Variants in LMBR1 observed in about 807,000 individuals in gnomAD.
LMBR1 encodes limb region 1 protein homolog.
In LMBR1, 52 loss-of-function variants were observed where a neutral mutation model predicts 73.9. The observed-to-expected ratio is 0.70, with a 90% CI of 0.56 to 0.89. The LOEUF is 0.89. Among genes scored for constraint, LMBR1 ranks in the 40% least tolerant of loss-of-function variants. The probability of loss-of-function intolerance (pLI) is 0.00; values close to 1 mark genes in which losing one functional copy is unlikely to be tolerated. For missense variants in LMBR1, 539 were observed against 579.8 expected (o/e 0.93, Z 0.72); for synonymous variants, 215 against 209.4 (o/e 1.03, Z -0.23).
At chr7:156,841,448 A>G (rs909270451) in intron 1 of LMBR1, among the ~76,000 whole-genome samples, 2 of 152,142 alleles carry the variant, frequency 1.3e-5, no homozygotes, top group Non-Finnish European at 2.9e-5. Flanking sequence ...AAGTATAGCC[A>G]GAGAAGAGAA....
At chr7:156,881,945 A>C (rs1209237442) in intron 1 of LMBR1, among the ~76,000 whole-genome samples, 1 of 152,112 alleles carries the variant, frequency 6.6e-6, no homozygotes, top group Non-Finnish European at 1.5e-5. Context: ...AAACAAAACT[A>C]CCGTATGATT....
chr7:156,833,911 T>C (rs1330014829), intron 2 of LMBR1, 119 bp from the exon 3 acceptor site: 4 of 647,602 alleles, frequency 6.2e-6, no homozygotes, highest in African/African-American at 3.7e-5. Context: ...GAAACAATTT[T>C]CAAAAAGCAC....
Position 156,767,379 on chromosome 7 carries a change from G to A in LMBR1, c.424-3584C>T, listed in dbSNP as rs138132905. 2.0e-5 allele frequency among the ~76,000 whole-genome samples: 3 copies of A among 151,916 alleles called. No individual in the cohort carries two copies. In the East Asian group the frequency reaches 5.8e-4, roughly 29 times the overall value. On this transcript the variant is annotated intron_variant, in intron 5 of 16. Coordinates refer to ENST00000353442, the MANE Select transcript of LMBR1 (RefSeq NM_022458.4). ...GATATATATAGTTATAAACTAAAAT[G>A]CAATGCCAAAAAATATTTTTGAAAG... is the stretch of plus-strand genomic sequence containing the variant.
intron 4 of LMBR1, among the ~76,000 whole-genome samples, chr7:156,803,981 C>A (rs1429196559): frequency 9.8e-6 from 1 of 102,192 alleles, no homozygotes; most frequent in East Asian, 2.8e-4. Context: ...TATCACACAC[C>A]GGGGACTGTT....
At chr7:156,797,758 T>G (rs1215747843) in intron 4 of LMBR1, among the ~76,000 whole-genome samples, 1 of 152,206 alleles carries the variant, frequency 6.6e-6, no homozygotes, top group Non-Finnish European at 1.5e-5. Flanking sequence ...CTTCCTTTAG[T>G]AGACAAGGTA....
chr7:156,762,843 G>A (rs796809181), intron 7 of LMBR1, among the ~76,000 whole-genome samples: 1 of 103,788 alleles, frequency 9.6e-6, no homozygotes, highest in African/African-American at 3.5e-5. Context: ...GTGTGTGAGT[G>A]TGAGTGTGTG....
chr7:156,672,380 T>C (rs1026992023), intron 4 of LMBR1, among the ~76,000 whole-genome samples: 1 of 152,118 alleles, frequency 6.6e-6, no homozygotes, highest in East Asian at 1.9e-4. Flanking sequence ...ATAAAGGAGA[T>C]AGGACCTGTA....
chr7:156,818,712 C>T (rs565108062), intron 4 of LMBR1, among the ~76,000 whole-genome samples: 1 of 152,286 alleles, frequency 6.6e-6, no homozygotes, highest in South Asian at 2.1e-4. Context: ...AAAAGGAAAA[C>T]CCACAAAGCA....
intron 3 of LMBR1, among the ~76,000 whole-genome samples, chr7:156,829,745 C>T (rs1262670224): frequency 1.3e-5 from 2 of 152,170 alleles, no homozygotes; most frequent in Admixed American, 6.5e-5. Flanking sequence ...GGGGTATGAT[C>T]CCTCCATACT....
intron 4 of LMBR1, among the ~76,000 whole-genome samples, chr7:156,825,045 G>A (rs927063948): frequency 2.0e-5 from 3 of 151,954 alleles, no homozygotes; most frequent in Non-Finnish European, 2.9e-5. Context: ...ATCCTAACAC[G>A]TCCTTATGTT....
intron 9 of LMBR1, among the ~76,000 whole-genome samples, chr7:156,750,819 C>G (rs931946507): frequency 3.9e-5 from 6 of 152,102 alleles, no homozygotes; most frequent in Non-Finnish European, 7.4e-5. Flanking sequence ...TTACAAAAAT[C>G]CCTGCCCCAG....
chr7:156,696,477 C>G (rs989658215), intron 15 of LMBR1, among the ~76,000 whole-genome samples: 1 of 151,982 alleles, frequency 6.6e-6, no homozygotes, highest in Admixed American at 6.6e-5. Flanking sequence ...AAAGACATAC[C>G]CGAGACTGGG....
chr7:156,806,044 T>C (rs566340681), intron 4 of LMBR1, among the ~76,000 whole-genome samples: 7 of 152,186 alleles, frequency 4.6e-5, no homozygotes, highest in Non-Finnish European at 7.4e-5. Flanking sequence ...CTGTAAAAAA[T>C]ATTTGTTTTG....
At chr7:156,703,037 C>T (rs1047440016) in intron 15 of LMBR1, among the ~76,000 whole-genome samples, 11 of 152,132 alleles carry the variant, frequency 7.2e-5, no homozygotes, top group Non-Finnish European at 1.5e-4. Flanking sequence ...GTCCACTTTC[C>T]CTGGGAAACT....
At chr7:156,699,932 G>A (rs912248257) in intron 15 of LMBR1, among the ~76,000 whole-genome samples, 7 of 152,168 alleles carry the variant, frequency 4.6e-5, no homozygotes, top group Non-Finnish European at 8.8e-5. Context: ...GGAGAAATAG[G>A]AACACTTTTA....
chr7:156,722,128 T>C (rs1814725728), intron 15 of LMBR1, among the ~76,000 whole-genome samples: 1 of 152,118 alleles, frequency 6.6e-6, no homozygotes, highest in Non-Finnish European at 1.5e-5. Context: ...TAAAATATGA[T>C]TTTTCTTGTT....
intron 14 of LMBR1, 109 bp downstream of exon 14, chr7:156,725,326 C>G (rs1815507296): frequency 1.5e-6 from 1 of 655,472 alleles, no homozygotes. Context: ...ACGCAACTTA[C>G]AAACAAATAC....
At chr7:156,689,013 A>C (rs749340746) in intron 15 of LMBR1, among the ~76,000 whole-genome samples, 8 of 152,214 alleles carry the variant, frequency 5.3e-5, no homozygotes, top group South Asian at 2.1e-4. Context: ...GAAATACAGT[A>C]GGATGATCTA....
At chr7:156,684,698 T>C (rs981942628) in intron 16 of LMBR1, among the ~76,000 whole-genome samples, 15 of 152,220 alleles carry the variant, frequency 9.9e-5, no homozygotes, top group African/African-American at 3.6e-4. Flanking sequence ...GGCTCACGCC[T>C]GTCATCCCAG....
Sources: gnomAD v4.1 joint callset for allele counts (sites outside exome capture counted in the v4.1 genomes callset) on GRCh38, gnomAD v4.1.1 for gene constraint, MANE v1.5 for transcripts, NCBI Gene and HGNC (gene_info 2026-07-23, HGNC 2026-07-21) for gene names.